Variants in AGMO observed in about 807,000 individuals in gnomAD.
AGMO encodes the protein alkylglycerol monooxygenase, also known as glyceryl-ether monooxygenase.
A neutral mutation model predicts 60.2 loss-of-function variants in AGMO; 75 were observed. The observed-to-expected ratio is 1.25, with a 90% CI of 1.03 to 1.51. The LOEUF is 1.51. AGMO is among the 40% of genes most tolerant of loss of function. The pLI is 0.00. For synonymous variants in AGMO, 261 were observed against 177.1 expected (o/e 1.47, Z -3.76); for missense variants, 763 against 525.5 (o/e 1.45, Z -4.42).
intron 3 of AGMO, among the ~76,000 whole-genome samples, chr7:15,460,739 C>A (rs1372468317): frequency 6.6e-6 from 1 of 151,950 alleles, no homozygotes; most frequent in African/African-American, 2.4e-5. Flanking sequence ...CATCAGCAAC[C>A]TTTGTAGCAA....
chr7:15,231,477 A>G (rs1435360135), intron 12 of AGMO, among the ~76,000 whole-genome samples: 1 of 152,178 alleles, frequency 6.6e-6, no homozygotes, highest in Non-Finnish European at 1.5e-5. Context: ...TCCCTTTTGT[A>G]TTTAACACAA....
chr7:15,201,679 A>T (rs1191343201), intron 12 of AGMO, among the ~76,000 whole-genome samples: 1 of 152,176 alleles, frequency 6.6e-6, no homozygotes, highest in Non-Finnish European at 1.5e-5. Context: ...GAGATACAGC[A>T]TGCTGTATGC....
chr7:15,529,592 A>G (rs1432972240), intron 3 of AGMO, among the ~76,000 whole-genome samples: 2 of 73,722 alleles, frequency 2.7e-5, no homozygotes, highest in Non-Finnish European at 5.1e-5. Context: ...TATAGTATAT[A>G]AACTCTATAT....
At chr7:15,148,586 T>C in the AGMO span, among the ~76,000 whole-genome samples, 2 of 152,166 alleles carry the variant, frequency 1.3e-5, no homozygotes, top group Non-Finnish European at 2.9e-5. Context: ...TCATGCACTA[T>C]TTGGTTTTCT....
chr7:15,249,940 A>G (rs1414880165), intron 12 of AGMO, among the ~76,000 whole-genome samples: 2 of 152,194 alleles, frequency 1.3e-5, no homozygotes, highest in African/African-American at 2.4e-5. Flanking sequence ...AAGGTTTTAA[A>G]TCTTTACTTA....
intron 11 of AGMO, 24 bp downstream of exon 11, chr7:15,366,116 C>T (rs904424937): frequency 1.3e-6 from 2 of 1,565,762 alleles, no homozygotes; most frequent in African/African-American, 2.7e-5. Flanking sequence ...AAAGTAAAAA[C>T]AATGCAAGAA....
the AGMO span, among the ~76,000 whole-genome samples, chr7:15,168,579 C>G: frequency 6.6e-6 from 1 of 152,214 alleles, no homozygotes; most frequent in South Asian, 2.1e-4. Context: ...ACCACTTGGT[C>G]TTCTTTTGGC....
chr7:15,505,252 G>T (rs1258726254), intron 3 of AGMO, among the ~76,000 whole-genome samples: 1 of 151,956 alleles, frequency 6.6e-6, no homozygotes. Context: ...AAGAAATTAA[G>T]GCTATTTACT....
intron 12 of AGMO, among the ~76,000 whole-genome samples, chr7:15,218,048 A>C (rs994485695): frequency 6.6e-6 from 1 of 152,116 alleles, no homozygotes; most frequent in African/African-American, 2.4e-5. Context: ...AAATTGTAGA[A>C]AGAAAATTAT....
At chr7:15,420,060 C>A (rs747796657) in intron 4 of AGMO, among the ~76,000 whole-genome samples, 101 of 151,990 alleles carry the variant, frequency 6.6e-4, no homozygotes, top group Admixed American at 1.9e-3. Context: ...AAATATGAAA[C>A]AACTTTATTT....
chr7:15,265,057 A>C (rs1160391277), intron 12 of AGMO, among the ~76,000 whole-genome samples: 1 of 152,138 alleles, frequency 6.6e-6, no homozygotes, highest in Non-Finnish European at 1.5e-5. Flanking sequence ...GTGGACTGGA[A>C]AAAGAAAATG....
chr7:15,454,771 T>A lies in AGMO; in HGVS notation c.410-23663A>T, dbSNP rs141437577. On this transcript the variant is annotated intron_variant, in intron 3 of 12. Coordinates refer to ENST00000342526, the MANE Select transcript of AGMO (RefSeq NM_001004320.2). ...ACTCTTCTATCACCATAGATACTCATGCCTTAAATATTTTACATTTGTATC... is the reference window on the plus strand; with the variant it reads ...ACTCTTCTATCACCATAGATACTCAAGCCTTAAATATTTTACATTTGTATC... Among the ~76,000 whole-genome samples the A allele has an allele frequency of 5.6e-4, 85 of 152,288 alleles. 2 individuals carry two copies. In the East Asian group the frequency reaches 7.9e-3, roughly 14 times the overall value.
intron 3 of AGMO, among the ~76,000 whole-genome samples, chr7:15,493,362 C>CAT (rs71004386): frequency 0.013 from 1,307 of 102,252 alleles, 18 homozygotes; most frequent in East Asian, 0.023. Flanking sequence ...CACACACACA[C>CAT]TTCTTTTTTT....
rs10230121 is a variant in AGMO, at chr7:15,296,871, T to G, written c.1263+68643A>C. On this transcript the variant is annotated intron_variant, in intron 12 of 12. Transcript: ENST00000342526. ...CCTTGAGTCTTAAAGAAGCCAAAGCTAGTGTTTTGTGGTTCTTTCTTCCAT... is the reference window on the plus strand; with the variant it reads ...CCTTGAGTCTTAAAGAAGCCAAAGCGAGTGTTTTGTGGTTCTTTCTTCCAT... Among the ~76,000 whole-genome samples the G allele has an allele frequency of 6.2e-3, 949 of 152,282 alleles. 6 individuals carry two copies. Among genetic ancestry groups the G allele is most frequent in the African/African-American group, 0.022 (895 of 41,556 alleles).
intron 4 of AGMO, among the ~76,000 whole-genome samples, chr7:15,422,033 A>G (rs761147097): frequency 1.3e-5 from 2 of 152,054 alleles, no homozygotes; most frequent in Non-Finnish European, 2.9e-5. Context: ...TTAATGTCCA[A>G]GTGAGATAGG....
the AGMO span, among the ~76,000 whole-genome samples, chr7:15,189,141 G>C: frequency 1.3e-5 from 2 of 152,102 alleles, no homozygotes; most frequent in East Asian, 3.9e-4. Flanking sequence ...ATTATGAGAA[G>C]AGGGGCATTG....
chr7:15,142,461 C>T, the AGMO span, among the ~76,000 whole-genome samples: 1 of 152,132 alleles, frequency 6.6e-6, no homozygotes, highest in South Asian at 2.1e-4. Flanking sequence ...TAAAGGAGTA[C>T]TGTCCTGAGG....
chr7:15,159,573 G>C, the AGMO span, among the ~76,000 whole-genome samples: 4 of 152,124 alleles, frequency 2.6e-5, no homozygotes, highest in African/African-American at 9.7e-5. Context: ...CAGGAACTAA[G>C]CAAGAAAGCT....
At chr7:15,466,334 T>A (rs1249373249) in intron 3 of AGMO, among the ~76,000 whole-genome samples, 1 of 152,176 alleles carries the variant, frequency 6.6e-6, no homozygotes, top group Non-Finnish European at 1.5e-5. Flanking sequence ...ATTTTATGCA[T>A]CCTTGCTGCT....
Sources: gnomAD v4.1 joint callset for allele counts (sites outside exome capture counted in the v4.1 genomes callset) on GRCh38, gnomAD v4.1.1 for gene constraint, MANE v1.5 for transcripts, NCBI Gene and HGNC (gene_info 2026-07-23, HGNC 2026-07-21) for gene names.